KCMF1: variants seen among roughly 807,000 people sequenced by gnomAD.
KCMF1 encodes the protein potassium channel modulatory factor 1.
KCMF1 carries 3 observed loss-of-function variants against 41.1 expected under a neutral mutation model. The observed-to-expected ratio is 0.07, with a 90% CI of 0.03 to 0.19. KCMF1 has a LOEUF of 0.19. KCMF1 is among the 10% of genes least tolerant of loss of function. KCMF1 has a pLI of 1.00. For synonymous variants in KCMF1, 142 were observed against 164.5 expected, an observed-to-expected ratio of 0.86 and a Z score of 1.04; for missense variants, 286 against 488.9, an observed-to-expected ratio of 0.58 and a Z score of 3.91.
At chr2:84,997,764 CTT>C (rs112460793) in intron 1 of KCMF1, among the ~76,000 whole-genome samples, 1 of 80,246 alleles carries the variant, frequency 1.2e-5, no homozygotes, top group Non-Finnish European at 2.3e-5. Flanking sequence ...AATACATTTT[CTT>C]TTTTTTTTTT....
chr2:84,990,313 A>G (rs1222654135), intron 1 of KCMF1, among the ~76,000 whole-genome samples: 4 of 152,232 alleles, frequency 2.6e-5, no homozygotes, highest in African/African-American at 7.2e-5. Flanking sequence ...ATTTTGGCAC[A>G]TAATAGAGAC....
intron 1 of KCMF1, among the ~76,000 whole-genome samples, chr2:85,008,254 AT>A (rs1674523738): frequency 1.1e-5 from 1 of 89,994 alleles, no homozygotes; most frequent in Non-Finnish European, 2.1e-5. Context: ...TATGATATAT[AT>A]TATATATCAT....
chr2:85,008,314 T>TATATAATATATAATATATAATATG (rs1674539726), intron 1 of KCMF1, among the ~76,000 whole-genome samples: 1 of 101,044 alleles, frequency 9.9e-6, no homozygotes, highest in Non-Finnish European at 1.9e-5. Context: ...TAATATGATA[T>TATATAATATATAATATATAATATG]ATATATCATA....
intron 1 of KCMF1, among the ~76,000 whole-genome samples, chr2:85,012,008 G>C (rs1035932184): frequency 1.3e-5 from 2 of 152,166 alleles, no homozygotes; most frequent in Non-Finnish European, 2.9e-5. Flanking sequence ...CAGCAGAAGG[G>C]GCTTGGAGCT....
At chr2:84,981,176 A>G (rs1177265437) in intron 1 of KCMF1, among the ~76,000 whole-genome samples, 1 of 151,342 alleles carries the variant, frequency 6.6e-6, no homozygotes, top group African/African-American at 2.4e-5. Flanking sequence ...AGGTTTGCAC[A>G]TTATCTTCTG....
intron 1 of KCMF1, among the ~76,000 whole-genome samples, chr2:84,973,817 A>ATTTC (rs1260228107): frequency 6.5e-5 from 7 of 107,008 alleles, no homozygotes; most frequent in African/African-American, 2.1e-4. Context: ...CTTTTTCTTT[A>ATTTC]TTTCTTTCTT....
At chr2:84,986,348 G>T (rs1673901185) in intron 1 of KCMF1, among the ~76,000 whole-genome samples, 1 of 152,182 alleles carries the variant, frequency 6.6e-6, no homozygotes, top group South Asian at 2.1e-4. Flanking sequence ...TGTTATTTGG[G>T]TGTCAGAGAA....
intron 2 of KCMF1, among the ~76,000 whole-genome samples, chr2:85,033,668 AC>A (rs1282203665): frequency 2.0e-5 from 3 of 152,168 alleles, no homozygotes; most frequent in Non-Finnish European, 2.9e-5. Context: ...AGGTGTTAAT[AC>A]CTCTTAACAA....
At chr2:85,052,250 T>C (rs1030310169) in intron 6 of KCMF1, among the ~76,000 whole-genome samples, 1 of 152,146 alleles carries the variant, frequency 6.6e-6, no homozygotes, top group Non-Finnish European at 1.5e-5. Flanking sequence ...TTTGTATTTT[T>C]AGTAGAAATG....
intron 1 of KCMF1, among the ~76,000 whole-genome samples, chr2:85,016,717 G>C (rs1471518905): frequency 6.8e-6 from 1 of 147,640 alleles, no homozygotes; most frequent in Non-Finnish European, 1.5e-5. Context: ...TTTTGAGACA[G>C]AGTCTCGCTT....
chr2:84,979,519 GTC>G, intron 1 of KCMF1, among the ~76,000 whole-genome samples: 1 of 39,722 alleles, frequency 2.5e-5, no homozygotes, highest in Non-Finnish European at 6.3e-5. Flanking sequence ...GCGAAATTCT[GTC>G]TAAAAAAAAA....
intron 1 of KCMF1, among the ~76,000 whole-genome samples, chr2:84,988,067 A>T (rs145018095): frequency 0.027 from 4,148 of 152,230 alleles, 95 homozygotes; most frequent in Middle Eastern, 0.058. Flanking sequence ...CTAAAAAAAA[A>T]TAAATAAATA....
chr2:84,978,615 C>T (rs1351460603), intron 1 of KCMF1, among the ~76,000 whole-genome samples: 2 of 151,494 alleles, frequency 1.3e-5, no homozygotes, highest in Admixed American at 6.6e-5. Flanking sequence ...GGCATGATCT[C>T]GGCTCACTGT....
intron 1 of KCMF1, among the ~76,000 whole-genome samples, chr2:84,998,217 G>A (rs982024703): frequency 1.3e-5 from 2 of 151,228 alleles, no homozygotes; most frequent in Non-Finnish European, 3.0e-5. Flanking sequence ...TCAGCCTCCC[G>A]AGTAGCTGGG....
chr2:84,995,125 A>G (rs1674145063), intron 1 of KCMF1, among the ~76,000 whole-genome samples: 1 of 151,486 alleles, frequency 6.6e-6, no homozygotes, highest in Non-Finnish European at 1.5e-5. Flanking sequence ...GGGTTCAAGC[A>G]ATTCTCCTGC....
intron 1 of KCMF1, among the ~76,000 whole-genome samples, chr2:84,978,545 A>G (rs1673614588): frequency 6.7e-6 from 1 of 149,862 alleles, no homozygotes; most frequent in African/African-American, 2.5e-5. Flanking sequence ...CATGTGCACA[A>G]TGTATTTGGG....
In KCMF1 at chr2:85,054,916, C is replaced by G. The variant is rs1461798652; in HGVS notation, c.*1507C>G. ...CTTGAACACCCCTCCGGTGTTCTTC[C>G]GAGAACTGTGAAGTCCATGTTCATC... On this transcript the variant is annotated 3_prime_UTR_variant, in exon 7 of 7. Coordinates refer to ENST00000409785, the MANE Select transcript of KCMF1 (RefSeq NM_020122.5). The G allele has an allele frequency of 6.6e-6, 1 of 152,114 alleles. No homozygotes were observed. Among genetic ancestry groups the G allele is most frequent in the Non-Finnish European group, 1.5e-5 (1 of 68,030 alleles). 9.4% of individuals were successfully genotyped at this position (152,114 alleles called of 1,614,324 possible).
chr2:85,052,668 T>C lies in KCMF1; in HGVS notation c.885-480T>C, dbSNP rs1412609156. 3.3e-5 allele frequency among the ~76,000 whole-genome samples: 5 copies of C among 152,212 alleles called. No individual in the cohort carries two copies. The East Asian group carries it at 7.7e-4, about 23-fold the overall frequency. ...TCTTGCCCTTTCTAGCTTCTGCATA[T>C]ACCAAGAAGAATTAAATAGAGTAAT... On this transcript the variant is annotated intron_variant, in intron 6 of 6. Transcript: ENST00000409785.
intron 2 of KCMF1, among the ~76,000 whole-genome samples, chr2:85,028,577 C>T (rs142013841): frequency 0.01 from 1,514 of 150,402 alleles, 17 homozygotes; most frequent in African/African-American, 0.035. Context: ...GCAACCTCCA[C>T]CCCCCAGGTT....
Sources: gnomAD v4.1 joint callset for allele counts (sites outside exome capture counted in the v4.1 genomes callset) on GRCh38, gnomAD v4.1.1 for gene constraint, MANE v1.5 for transcripts, NCBI Gene and HGNC (gene_info 2026-07-23, HGNC 2026-07-21) for gene names.